Variants in KAZN observed in about 807,000 individuals in gnomAD.
KAZN encodes kazrin, periplakin interacting protein.
KAZN carries 40 observed loss-of-function variants against 87.4 expected under a neutral mutation model. The observed-to-expected ratio is 0.46, with a 90% CI of 0.36 to 0.60. The LOEUF (loss-of-function observed/expected upper bound fraction) is 0.60, where lower values mean the gene tolerates loss of function less well. Ranked by LOEUF, KAZN falls within the 20% of genes least tolerant of loss-of-function variation. KAZN has a pLI of 0.00. For missense variants in KAZN, 898 were observed against 1,073.9 expected (o/e 0.84, Z 2.29); for synonymous variants, 466 against 458.3 (o/e 1.02, Z -0.22).
At chr1:15,074,063 C>T (rs1557780291) in intron 8 of KAZN, among the ~76,000 whole-genome samples, 1 of 152,242 alleles carries the variant, frequency 6.6e-6, no homozygotes, top group Non-Finnish European at 1.5e-5. Context: ...TCAGGTTGGT[C>T]AAGGACTCGC....
At chr1:14,000,462 T>C (rs1639733699) in intron 1 of KAZN, among the ~76,000 whole-genome samples, 2 of 152,224 alleles carry the variant, frequency 1.3e-5, no homozygotes, top group South Asian at 4.1e-4. Context: ...ATTATTTCAA[T>C]AGAGGCAGGC....
At chr1:14,673,532 C>T (rs1053171262) in intron 1 of KAZN, among the ~76,000 whole-genome samples, 6 of 152,252 alleles carry the variant, frequency 3.9e-5, no homozygotes, top group African/African-American at 1.4e-4. Context: ...AGGGAGGAAG[C>T]GTCCTTCGAG....
chr1:14,471,932 A>G (rs894757765), intron 2 of KAZN, among the ~76,000 whole-genome samples: 1 of 152,230 alleles, frequency 6.6e-6, no homozygotes, highest in Non-Finnish European at 1.5e-5. Context: ...ACCCGCTGCT[A>G]TCACAAAATA....
chr1:14,843,703 C>T (rs957008765), intron 1 of KAZN, among the ~76,000 whole-genome samples: 1 of 152,150 alleles, frequency 6.6e-6, no homozygotes, highest in African/African-American at 2.4e-5. Flanking sequence ...ATGGAATATT[C>T]GCCCCACCCT....
At chr1:14,216,952 A>G (rs1646969064) in intron 2 of KAZN, among the ~76,000 whole-genome samples, 1 of 152,188 alleles carries the variant, frequency 6.6e-6, no homozygotes, top group Admixed American at 6.5e-5. Context: ...AGAAATGGGC[A>G]ACAGGAAAAG....
At chr1:14,026,678 A>G (rs930058588) in intron 1 of KAZN, among the ~76,000 whole-genome samples, 2 of 152,220 alleles carry the variant, frequency 1.3e-5, no homozygotes, top group African/African-American at 4.8e-5. Flanking sequence ...GTTAAAATAC[A>G]GATTCTGATT....
chr1:14,500,655 C>A (rs1307675747), intron 2 of KAZN, among the ~76,000 whole-genome samples: 1 of 151,628 alleles, frequency 6.6e-6, no homozygotes, highest in South Asian at 2.1e-4. Flanking sequence ...TCGAAGAAAC[C>A]AAAAGTGGGT....
chr1:14,040,346 T>G (rs1641766803), intron 1 of KAZN, among the ~76,000 whole-genome samples: 1 of 152,102 alleles, frequency 6.6e-6, no homozygotes, highest in Non-Finnish European at 1.5e-5. Context: ...TATGGGAGCC[T>G]TCAGATCTCC....
intron 1 of KAZN, among the ~76,000 whole-genome samples, chr1:14,018,911 A>G (rs1354274251): frequency 6.6e-6 from 1 of 152,124 alleles, no homozygotes; most frequent in Non-Finnish European, 1.5e-5. Flanking sequence ...CCCACACTCC[A>G]GCTTGCAGAT....
At chr1:15,092,191 C>T (rs1162654385) in intron 8 of KAZN, among the ~76,000 whole-genome samples, 1 of 151,296 alleles carries the variant, frequency 6.6e-6, no homozygotes, top group Non-Finnish European at 1.5e-5. Context: ...ATTCTCCTGC[C>T]TCAGCCTCCC....
At chr1:14,896,712 T>G (rs1655319366) in intron 1 of KAZN, among the ~76,000 whole-genome samples, 1 of 152,148 alleles carries the variant, frequency 6.6e-6, no homozygotes, top group African/African-American at 2.4e-5. Context: ...TGGAAGACAC[T>G]CCTGAGTGAG....
rs1639263794 is a variant in KAZN, at chr1:15,066,903, A to G, written c.1222+1150A>G. 3 of 985,066 alleles carry G rather than the reference A, an allele frequency of 3.0e-6. No homozygotes were observed. Among genetic ancestry groups the G allele is most frequent in the African/African-American group, 1.8e-5 (1 of 57,110 alleles). The allele number at this position is 985,066 out of a possible 1,614,324, so 61.0% of individuals were successfully genotyped here. On this transcript the variant is annotated intron_variant, in intron 8 of 14. Coordinates refer to ENST00000376030, the MANE Select transcript of KAZN (RefSeq NM_201628.3). This position sits in a 1 kb window ranked among gnomAD's most constrained non-coding sequence, Gnocchi z 4.3. ...CAGAGCTCCCTCCAGGCCTTTCTCT[A>G]TATATTTATTTATCTGACATACAGA...
rs1240995730 is a variant in KAZN at position 14,272,907 on chromosome 1, T to A, written c.249+92315T>A. Among the ~76,000 whole-genome samples the A allele has an allele frequency of 3.3e-5, 5 of 151,960 alleles. No homozygotes were observed. The East Asian group carries it at 9.7e-4, about 29-fold the overall frequency. On this transcript the variant is annotated intron_variant, in intron 2 of 16. Transcript: ENST00000636203. The stretch of plus-strand genomic sequence containing the variant: ...AAAAATAAATAAATAAATCTCAACA[T>A]TGTGAATTCAGTCAGATTCAGAGAG...
intron 2 of KAZN, among the ~76,000 whole-genome samples, chr1:14,446,536 G>T (rs1412726732): frequency 6.6e-6 from 1 of 152,194 alleles, no homozygotes; most frequent in Admixed American, 6.5e-5. Context: ...CTCTGCCATG[G>T]TTAATTCCAG....
At chr1:14,876,656 C>G (rs1652801183) in intron 1 of KAZN, among the ~76,000 whole-genome samples, 1 of 152,164 alleles carries the variant, frequency 6.6e-6, no homozygotes, top group Admixed American at 6.5e-5. Flanking sequence ...GTCTGCCCAT[C>G]TCTAAAATAG....
chr1:15,105,426 T>C (rs1026001433), intron 13 of KAZN, among the ~76,000 whole-genome samples: 18 of 152,338 alleles, frequency 1.2e-4, no homozygotes, highest in African/African-American at 3.8e-4. Flanking sequence ...CCATTTCATC[T>C]AGGTTAGCTA....
chr1:14,883,275 A>C lies in KAZN; in HGVS notation c.227-77409A>C, dbSNP rs191334392. 6.4e-3 allele frequency among the ~76,000 whole-genome samples: 939 copies of C among 146,520 alleles called. 12 individuals carry two copies. The highest frequency in any genetic ancestry group is 0.021 in the African/African-American group (847 of 39,990). Reference sequence around the variant, plus strand: ...ACTCCATTGCCCTCCAGCCTGGGCAAGAAAAGCGAAACTCCATCTCAAAAG... The same window carrying C: ...ACTCCATTGCCCTCCAGCCTGGGCACGAAAAGCGAAACTCCATCTCAAAAG... On this transcript the variant is annotated intron_variant, in intron 1 of 14. Transcript: ENST00000376030.
At chr1:13,902,949 TGATATGG>T (rs1557710008) in intron 1 of KAZN, among the ~76,000 whole-genome samples, 2 of 152,160 alleles carry the variant, frequency 1.3e-5, no homozygotes, top group Non-Finnish European at 2.9e-5. Context: ...ATGGTCCCCA[TGATATGG>T]CCATGGGTGA....
chr1:14,088,887 C>T (rs1248540856), intron 1 of KAZN, among the ~76,000 whole-genome samples: 1 of 150,908 alleles, frequency 6.6e-6, no homozygotes, highest in Non-Finnish European at 1.5e-5. Flanking sequence ...ATGAAATGTC[C>T]CTCTTTATCC....
Sources: gnomAD v4.1 joint callset for allele counts (sites outside exome capture counted in the v4.1 genomes callset) on GRCh38, gnomAD v4.1.1 for gene constraint, Gnocchi (gnomAD v3.1) non-coding constraint, MANE v1.5 for transcripts, NCBI Gene and HGNC (gene_info 2026-07-23, HGNC 2026-07-21) for gene names.